PLXND1: variants seen among roughly 807,000 people sequenced by gnomAD.
PLXND1 encodes plexin D1, also known as plexin-D1.
A neutral mutation model predicts 197.7 loss-of-function variants in PLXND1; 54 were observed. The ratio of observed to expected loss-of-function variants is 0.27; its 90% CI spans 0.22 to 0.34. The LOEUF is 0.34. Ranked by LOEUF, PLXND1 falls within the 10% of genes least tolerant of loss-of-function variation. The pLI is 1.00. For missense variants in PLXND1, 2,127 were observed against 2,699.2 expected (o/e 0.79, Z 4.70); for synonymous variants, 1,180 against 1,161.2 (o/e 1.02, Z -0.33).
intron 26 of PLXND1, 24 bp downstream of exon 26, chr3:129,563,070 A>T (rs2085085328): frequency 1.2e-6 from 2 of 1,612,552 alleles, no homozygotes; most frequent in Non-Finnish European, 1.7e-6. Context: ...CAGCCCTGGG[A>T]CCCTCCCCGC....
At chr3:129,578,566 G>A (rs1201763711) in intron 8 of PLXND1, 133 bp from the exon 9 acceptor site, 6 of 617,154 alleles carry the variant, frequency 9.7e-6, no homozygotes, top group African/African-American at 5.6e-5. Flanking sequence ...CAGTCCTAAC[G>A]GCCACCAGCC....
intron 8 of PLXND1, among the ~76,000 whole-genome samples, chr3:129,579,417 G>C (rs2085357554): frequency 6.6e-6 from 1 of 152,152 alleles, no homozygotes; most frequent in African/African-American, 2.4e-5. Flanking sequence ...CCACTGTACA[G>C]AATAAGAAAC....
intron 29 of PLXND1, 32 bp from the exon 30 acceptor site, chr3:129,560,755 GGGAGA>G: frequency 1.2e-5 from 15 of 1,282,668 alleles, no homozygotes; most frequent in Non-Finnish European, 1.6e-5. Flanking sequence ...AAATAAACAC[GGGAGA>G]GGAGAGGAGA....
intron 25 of PLXND1, among the ~76,000 whole-genome samples, chr3:129,563,673 G>A (rs190209987): frequency 3.9e-5 from 6 of 152,250 alleles, no homozygotes; most frequent in Admixed American, 3.3e-4. Flanking sequence ...ATGTGGCCTC[G>A]ACCCCACTTG....
At chr3:129,594,606 C>G (rs2108800081) in intron 1 of PLXND1, among the ~76,000 whole-genome samples, 1 of 152,284 alleles carries the variant, frequency 6.6e-6, no homozygotes, top group African/African-American at 2.4e-5. Context: ...TTCACGGGAG[C>G]CAAAGAGAGC....
intron 12 of PLXND1, 81 bp from the exon 13 acceptor site, chr3:129,573,826 A>G: frequency 6.8e-7 from 1 of 1,475,564 alleles, no homozygotes; most frequent in South Asian, 1.3e-5. Flanking sequence ...ACAGGCACCC[A>G]GCAGGGCACA....
rs544555132 is a variant in PLXND1 at position 129,591,044 on chromosome 3, G to A, written c.1312-1517C>T. Reference sequence around the variant, plus strand: ...AGGCTCAGCTAGTTTTCAAAAGAAAGCAATAAATAGTGGGTCCTTCTGTGC... The same window carrying A: ...AGGCTCAGCTAGTTTTCAAAAGAAAACAATAAATAGTGGGTCCTTCTGTGC... On this transcript the variant is annotated intron_variant, in intron 1 of 35. Transcript: ENST00000324093. Among the ~76,000 whole-genome samples the A allele has an allele frequency of 3.9e-5, 6 of 152,338 alleles. No homozygotes were observed. In the South Asian group the frequency reaches 6.2e-4, roughly 16 times the overall value.
intron 31 of PLXND1, 52 bp downstream of exon 31, chr3:129,560,278 G>A (rs1212071033): frequency 7.7e-6 from 9 of 1,168,742 alleles, no homozygotes; most frequent in Admixed American, 6.9e-5. Flanking sequence ...TCTGGAGCTG[G>A]GGCTGGAGCC....
Position 129,556,157 on chromosome 3 carries a change from C to G in PLXND1, c.*155G>C. 1 of 653,994 alleles carries G rather than the reference C, an allele frequency of 1.5e-6. No individual in the cohort carries two copies. The highest frequency in any genetic ancestry group is 2.7e-6 in the Non-Finnish European group (1 of 366,154). The allele number at this position is 653,994 out of a possible 1,614,324, so 40.5% of individuals were successfully genotyped here. A position where few individuals can be genotyped will look rare whatever the true frequency, so the allele number is the denominator to read the frequency against. ...CCCAGGGGTCAAGGCGGGGGCGCCCCTGTCTCAGAGAGCAGCCCCTCCTCC... is the reference window on the plus strand; with the variant it reads ...CCCAGGGGTCAAGGCGGGGGCGCCCGTGTCTCAGAGAGCAGCCCCTCCTCC... On this transcript the variant is annotated 3_prime_UTR_variant, in exon 36 of 36. Transcript: ENST00000324093.
intron 1 of PLXND1, among the ~76,000 whole-genome samples, chr3:129,592,699 T>C (rs2085562874): frequency 6.6e-6 from 1 of 152,250 alleles, no homozygotes; most frequent in Non-Finnish European, 1.5e-5. Context: ...CCCAGCGTTT[T>C]TTCCCCTTAT....
intron 32 of PLXND1, chr3:129,559,149 C>T (rs73204254): frequency 0.13 from 20,997 of 156,024 alleles, 1,632 homozygotes; most frequent in African/African-American, 0.2. Context: ...GGGTTTCCAG[C>T]AACTTCTTGT....
At chr3:129,579,033 G>A (rs961872605) in intron 8 of PLXND1, among the ~76,000 whole-genome samples, 2 of 152,198 alleles carry the variant, frequency 1.3e-5, no homozygotes, top group Non-Finnish European at 2.9e-5. Flanking sequence ...CTAGGTGAAG[G>A]TGCCAGCCCC....
At chr3:129,563,323 G>A (rs2085090664) in intron 25 of PLXND1, 83 bp from the exon 26 acceptor site, 20 of 1,163,344 alleles carry the variant, frequency 1.7e-5, no homozygotes, top group Non-Finnish European at 1.9e-5. Context: ...TCACGCCCCC[G>A]TCCCCCAACC....
chr3:129,578,401 T>G lies in PLXND1; in HGVS notation c.2274A>C (p.Ser758=), dbSNP rs1578333569. The G allele has an allele frequency of 6.2e-7, 1 of 1,603,218 alleles. No homozygotes were observed. The highest frequency in any genetic ancestry group is 8.5e-7 in the Non-Finnish European group (1 of 1,175,758). The change falls in exon 9 of 36, where the codon TCA becomes TCC. Residue 758 remains serine, a synonymous_variant. Transcript: ENST00000324093. ...SPQDCPRTLL[S]PLAPVPTGGS... ...CACCCGTAGGCACGGGTGCCAGGGG[T>G]GAGAGCAGGGTCCGGGGGCAGTCCT...
chr3:129,597,419 C>T (rs940095676), intron 1 of PLXND1, among the ~76,000 whole-genome samples: 7 of 152,142 alleles, frequency 4.6e-5, no homozygotes, highest in African/African-American at 1.7e-4. Flanking sequence ...TGGAGAAGGG[C>T]ACAGGCAAGG....
At position 129,555,869 on chromosome 3, in the gene PLXND1, G is replaced by A. The variant is rs896620349; in HGVS notation, c.*443C>T. ...TAGTTGAAGCAGAAACCAATCAAAG[G>A]TCAGTTCAAGGAGGGCTCCCTGCAC... On this transcript the variant is annotated 3_prime_UTR_variant, in exon 36 of 36. Transcript: ENST00000324093. The A allele has an allele frequency of 3.4e-6, 1 of 297,168 alleles. No homozygotes were observed. The highest frequency in any genetic ancestry group is 2.2e-5 in the African/African-American group (1 of 45,156). 18.4% of individuals were successfully genotyped at this position (297,168 alleles called of 1,614,324 possible).
chr3:129,567,173 G>C (rs1008208452), intron 22 of PLXND1, among the ~76,000 whole-genome samples: 1 of 151,868 alleles, frequency 6.6e-6, no homozygotes, highest in Non-Finnish European at 1.5e-5. Flanking sequence ...AGGAAGGAGA[G>C]AGGCTGGCCT....
In PLXND1 at chr3:129,606,669, G is replaced by A; in HGVS notation, c.-30C>T. The A allele has an allele frequency of 1.1e-6, 1 of 892,724 alleles. No homozygotes were observed. The highest frequency in any genetic ancestry group is 1.3e-6 in the Non-Finnish European group (1 of 745,954). The allele number at this position is 892,724 out of a possible 1,614,324, so 55.3% of individuals were successfully genotyped here. A position where few individuals can be genotyped will look rare whatever the true frequency, so the allele number is the denominator to read the frequency against. Reference sequence around the variant, plus strand: ...GCGTGCGCGGGCTGCGCGGCGCGGCGAGTGCATGGGGCGAGGCGCGGCCGG... The same window carrying A: ...GCGTGCGCGGGCTGCGCGGCGCGGCAAGTGCATGGGGCGAGGCGCGGCCGG... On this transcript the variant is annotated 5_prime_UTR_variant, in exon 1 of 36. Coordinates refer to ENST00000324093, the MANE Select transcript of PLXND1 (RefSeq NM_015103.3).
At chr3:129,602,670 T>C (rs1455684083) in intron 1 of PLXND1, among the ~76,000 whole-genome samples, 1 of 151,954 alleles carries the variant, frequency 6.6e-6, no homozygotes, top group Non-Finnish European at 1.5e-5. Flanking sequence ...GATGGTGGGG[T>C]GTTTACAGCT....
Sources: allele counts gnomAD v4.1 joint callset (sites outside exome capture counted in the v4.1 genomes callset), GRCh38; gene constraint gnomAD v4.1.1; transcripts MANE v1.5; gene names NCBI Gene and HGNC (gene_info 2026-07-23, HGNC 2026-07-21).